MTA3: variants seen among roughly 807,000 people sequenced by gnomAD.
MTA3 encodes the protein metastasis associated 1 family member 3, also known as metastasis-associated protein MTA3.
In MTA3, 34 loss-of-function variants were observed where a neutral mutation model predicts 83.5. That is an observed-to-expected ratio of 0.41 (90% CI 0.31 to 0.54). The LOEUF (loss-of-function observed/expected upper bound fraction) is 0.54. Among genes scored for constraint, MTA3 ranks in the 20% least tolerant of loss-of-function variants. The pLI, the probability that MTA3 is intolerant of heterozygous loss-of-function variation, is 0.33. For missense variants in MTA3, 761 were observed against 726.4 expected, an observed-to-expected ratio of 1.05 and a Z score of -0.55; for synonymous variants, 303 against 252.7, an observed-to-expected ratio of 1.20 and a Z score of -1.89.
chr2:42,528,021 T>A (rs1438711877), intron 2 of MTA3, among the ~76,000 whole-genome samples: 1 of 152,010 alleles, frequency 6.6e-6, no homozygotes, highest in African/African-American at 2.4e-5. Context: ...ACCTCCCGGG[T>A]TCAAGTGATT....
At chr2:42,624,388 C>G (rs1299829228) in intron 4 of MTA3, among the ~76,000 whole-genome samples, 3 of 151,968 alleles carry the variant, frequency 2.0e-5, no homozygotes, top group African/African-American at 4.8e-5. Context: ...GTGGTGTGAT[C>G]TTGGCTCACT....
chr2:42,585,579 A>G (rs1242590351), intron 3 of MTA3, among the ~76,000 whole-genome samples: 1 of 147,602 alleles, frequency 6.8e-6, no homozygotes, highest in East Asian at 2.0e-4. Context: ...GGTTCAAGTG[A>G]TTCGCCTGCC....
At chr2:42,625,468 C>T (rs928421868) in intron 4 of MTA3, among the ~76,000 whole-genome samples, 4 of 150,928 alleles carry the variant, frequency 2.7e-5, no homozygotes, top group South Asian at 2.1e-4. Context: ...TTTTATGGGC[C>T]GGGCACAGTG....
intron 4 of MTA3, among the ~76,000 whole-genome samples, chr2:42,617,248 G>T (rs1277879048): frequency 6.6e-6 from 1 of 152,144 alleles, no homozygotes; most frequent in African/African-American, 2.4e-5. Context: ...CAGTCAAATT[G>T]CAATGTGTAC....
chr2:42,631,781 C>T (rs538821694), intron 4 of MTA3, among the ~76,000 whole-genome samples: 1 of 152,030 alleles, frequency 6.6e-6, no homozygotes, highest in Admixed American at 6.6e-5. Context: ...CCTCCACCTC[C>T]TGAGTTCAAG....
chr2:42,582,080 C>T lies in MTA3; in HGVS notation c.190+2880C>T, dbSNP rs561611723. 4.8e-4 allele frequency among the ~76,000 whole-genome samples: 73 copies of T among 150,798 alleles called. 2 individuals carry two copies. Among genetic ancestry groups the T allele is most frequent in the South Asian group, 4.2e-4 (2 of 4,734 alleles). ...AGATATTTTATCTTTTTTTTTGAGA[C>T]GGAGTCTTGCTGTGTCGCCCAGGCT... is the stretch of plus-strand genomic sequence containing the variant. On this transcript the variant is annotated intron_variant, in intron 3 of 16. Coordinates refer to ENST00000405094, the MANE Select transcript of MTA3 (RefSeq NM_001330442.2).
chr2:42,508,990 A>C (rs1311965031), intron 2 of MTA3, among the ~76,000 whole-genome samples: 2 of 151,572 alleles, frequency 1.3e-5, no homozygotes, highest in Non-Finnish European at 2.9e-5. Flanking sequence ...GCTCTAAAAA[A>C]TAAAGTCTAT....
chr2:42,679,076 A>G (rs1691639778), intron 8 of MTA3, among the ~76,000 whole-genome samples: 1 of 152,176 alleles, frequency 6.6e-6, no homozygotes, highest in Non-Finnish European at 1.5e-5. Flanking sequence ...TTCTACAATG[A>G]GCAAATACCT....
intron 8 of MTA3, among the ~76,000 whole-genome samples, chr2:42,675,710 G>T (rs1035663938): frequency 2.0e-5 from 3 of 152,056 alleles, no homozygotes; most frequent in Admixed American, 6.6e-5. Flanking sequence ...CTGATAAACC[G>T]CAAGTCGTTG....
chr2:42,614,891 T>A (rs2104129978), intron 4 of MTA3, among the ~76,000 whole-genome samples: 1 of 151,682 alleles, frequency 6.6e-6, no homozygotes, highest in East Asian at 1.9e-4. Context: ...GTAGGAGGAT[T>A]GCTTGAGCCC....
chr2:42,625,664 G>A (rs371230968), intron 4 of MTA3, among the ~76,000 whole-genome samples: 33 of 148,082 alleles, frequency 2.2e-4, no homozygotes, highest in African/African-American at 6.8e-4. Context: ...GGAGAATGTC[G>A]TGAACCCGGG....
At chr2:42,574,512 C>G (rs561956451) in intron 2 of MTA3, among the ~76,000 whole-genome samples, 2 of 152,286 alleles carry the variant, frequency 1.3e-5, no homozygotes, top group South Asian at 4.1e-4. Flanking sequence ...TCCTGGCTCA[C>G]TGCAACCTCC....
In MTA3 at chr2:42,745,572, C is replaced by A. The variant is rs535913705; in HGVS notation, c.1760-7802C>A. Among the ~76,000 whole-genome samples the A allele has an allele frequency of 1.4e-4, 22 of 152,122 alleles. 1 individual carries two copies. In the South Asian group the frequency reaches 4.6e-3, roughly 32 times the overall value. On this transcript the variant is annotated intron_variant, in intron 16 of 16. Transcript: ENST00000405094. ...AAATTTATTTTTACAGAGATGGGGG[C>A]AGGGGGTCTTGCTATGTTGCTCAAG...
At chr2:42,612,493 G>A (rs1684347113) in intron 4 of MTA3, among the ~76,000 whole-genome samples, 3 of 152,124 alleles carry the variant, frequency 2.0e-5, no homozygotes, top group African/African-American at 7.2e-5. Context: ...TGGGATTACA[G>A]GTGTGAGTCA....
intron 3 of MTA3, among the ~76,000 whole-genome samples, chr2:42,590,752 C>T (rs1422744014): frequency 6.6e-6 from 1 of 151,712 alleles, no homozygotes; most frequent in Non-Finnish European, 1.5e-5. Flanking sequence ...TCCTGAGTAG[C>T]TGGGACTACA....
Position 42,516,113 on chromosome 2 carries a change from C to T in MTA3, c.-141+20859C>T, listed in dbSNP as rs1026082609. Reference sequence around the variant, plus strand: ...TGTATTTTTAGTAGAGACAGGGTTTCACCGTGTTAGCTCCAGGATGGTCTT... The same window carrying T: ...TGTATTTTTAGTAGAGACAGGGTTTTACCGTGTTAGCTCCAGGATGGTCTT... On this transcript the variant is annotated intron_variant, in intron 2 of 17. Transcript: ENST00000405592. Among the ~76,000 whole-genome samples the T allele has an allele frequency of 4.6e-5, 7 of 152,018 alleles. No homozygotes were observed. In the South Asian group the frequency reaches 6.2e-4, roughly 13 times the overall value.
chr2:42,542,371 G>A (rs1195664741), intron 2 of MTA3, among the ~76,000 whole-genome samples: 1 of 152,132 alleles, frequency 6.6e-6, no homozygotes, highest in African/African-American at 2.4e-5. Context: ...ACCCATATGT[G>A]AAGAAAAGAC....
chr2:42,559,536 C>A (rs1038456248), intron 2 of MTA3, among the ~76,000 whole-genome samples: 1 of 150,958 alleles, frequency 6.6e-6, no homozygotes, highest in Non-Finnish European at 1.5e-5. Flanking sequence ...TTTCCCATTT[C>A]ATCTCTTATA....
chr2:42,628,883 T>C (rs1686395233), intron 4 of MTA3, among the ~76,000 whole-genome samples: 1 of 152,032 alleles, frequency 6.6e-6, no homozygotes, highest in Non-Finnish European at 1.5e-5. Context: ...ACTAAAAATA[T>C]TTTATGTGTA....
Sources: gnomAD v4.1 joint callset for allele counts (sites outside exome capture counted in the v4.1 genomes callset) on GRCh38, gnomAD v4.1.1 for gene constraint, MANE v1.5 for transcripts, NCBI Gene and HGNC (gene_info 2026-07-23, HGNC 2026-07-21) for gene names.